The following DACH2 variants were observed in gnomAD, a reference collection of about 807,000 sequenced individuals.
The protein encoded by DACH2 is dachshund homolog 2.
Under a neutral mutation model 35.8 loss-of-function variants are expected in DACH2, and 17 were observed. The ratio of observed to expected loss-of-function variants is 0.48; its 90% CI spans 0.33 to 0.71. The LOEUF (loss-of-function observed/expected upper bound fraction) is 0.71, where lower values mean the gene tolerates loss of function less well. Among genes scored for constraint, DACH2 ranks in the 30% least tolerant of loss-of-function variants. The pLI is 0.02. For synonymous variants in DACH2, 195 were observed against 177.3 expected (o/e 1.10, Z -0.79); for missense variants, 469 against 472.7 (o/e 0.99, Z 0.07).
chrX:86,390,449 G>C lies in DACH2; in HGVS notation c.527+13587G>C, dbSNP rs776790414. 6.3e-5 allele frequency among the ~76,000 whole-genome samples: 7 copies of C among 111,674 alleles called. 1 individual carries two copies. The South Asian group carries it at 2.3e-3, about 36-fold the overall frequency. On this transcript the variant is annotated intron_variant, in intron 2 of 11. Coordinates refer to ENST00000373125, the MANE Select transcript of DACH2 (RefSeq NM_053281.3). ...AGATGATTTTAAAAACAGAATTTTA[G>C]TGTTGAGGACTTTATGAAAGTGGAA...
At chrX:86,196,483 G>C (rs978407728) in intron 1 of DACH2, among the ~76,000 whole-genome samples, 8 of 108,648 alleles carry the variant, frequency 7.4e-5, no homozygotes, top group African/African-American at 2.7e-4. Context: ...ATGAGGTCAG[G>C]AGATTGAATC....
chrX:86,374,086 C>T (rs2035929628), intron 1 of DACH2, among the ~76,000 whole-genome samples: 1 of 110,495 alleles, frequency 9.1e-6, no homozygotes, highest in Admixed American at 9.7e-5. Flanking sequence ...TCATGTGTCT[C>T]GCATGCTGTT....
chrX:86,291,313 G>A (rs1187856785), intron 1 of DACH2, among the ~76,000 whole-genome samples: 1 of 94,776 alleles, frequency 1.1e-5, no homozygotes, highest in Non-Finnish European at 2.1e-5. Context: ...ATCAGCTTAA[G>A]GAGATTTTGG....
chrX:86,273,959 A>G (rs2033860218), intron 1 of DACH2, among the ~76,000 whole-genome samples: 1 of 111,889 alleles, frequency 8.9e-6, no homozygotes, highest in South Asian at 3.7e-4. Context: ...TAGATATCCT[A>G]TTTAGGTATT....
In DACH2 at chrX:86,411,020, T is replaced by TTATATATATATATA. The variant is rs36194671; in HGVS notation, c.527+34164_527+34177dup. On this transcript the variant is annotated intron_variant, in intron 2 of 11. Coordinates refer to ENST00000373125, the MANE Select transcript of DACH2 (RefSeq NM_053281.3). Reference sequence around the variant, plus strand: ...CTCTAGAGGGACAGAACTAATATGATTATATATATATATATATATGTATAT... The same window carrying TTATATATATATATA: ...CTCTAGAGGGACAGAACTAATATGATTATATATATATATATATATATATATATATATATGTATAT... Among the ~76,000 whole-genome samples the TTATATATATATATA allele has an allele frequency of 7.2e-3, 290 of 40,495 alleles. 30 individuals carry two copies. Among genetic ancestry groups the TTATATATATATATA allele is most frequent in the African/African-American group, 0.021 (223 of 10,809 alleles). The allele number at this position is 40,495 out of a possible 115,157, so 35.2% of individuals were successfully genotyped here.
chrX:86,211,104 T>C (rs1173014601), intron 1 of DACH2, among the ~76,000 whole-genome samples: 1 of 111,462 alleles, frequency 9.0e-6, no homozygotes, highest in Non-Finnish European at 1.9e-5. Context: ...TATTGATAGG[T>C]GACCTTGGGG....
At chrX:86,228,233 C>T (rs751209400) in intron 1 of DACH2, among the ~76,000 whole-genome samples, 1 of 110,249 alleles carries the variant, frequency 9.1e-6, no homozygotes, top group Non-Finnish European at 1.9e-5. Context: ...TTTCGATTCC[C>T]GAGTTACTTC....
intron 2 of DACH2, among the ~76,000 whole-genome samples, chrX:86,378,939 GAAAATT>G (rs774596247): frequency 9.0e-6 from 1 of 110,829 alleles, no homozygotes; most frequent in African/African-American, 3.3e-5. Flanking sequence ...CAAGTGATTT[GAAAATT>G]AAAATTAAAT....
chrX:86,297,212 C>A (rs1379027898), intron 1 of DACH2, among the ~76,000 whole-genome samples: 1 of 110,083 alleles, frequency 9.1e-6, no homozygotes, highest in Non-Finnish European at 1.9e-5. Flanking sequence ...CTTCTTAGGA[C>A]ATTCTTTTGG....
chrX:86,571,368 A>G (rs1013313409), intron 3 of DACH2, among the ~76,000 whole-genome samples: 114 of 110,389 alleles, frequency 1.0e-3, no homozygotes, highest in Admixed American at 2.2e-3. Context: ...ACATATGTAT[A>G]CATGTGCCAT....
At chrX:86,675,944 T>G (rs914811160) in intron 4 of DACH2, among the ~76,000 whole-genome samples, 2 of 111,663 alleles carry the variant, frequency 1.8e-5, no homozygotes, top group Non-Finnish European at 3.8e-5. Context: ...GAAAAATAAT[T>G]TCCGATAAAA....
chrX:86,265,761 A>C, intron 1 of DACH2, among the ~76,000 whole-genome samples: 1 of 111,706 alleles, frequency 9.0e-6, no homozygotes, highest in Non-Finnish European at 1.9e-5. Context: ...TGTGGAGGAG[A>C]GATTTCTTCA....
intron 2 of DACH2, among the ~76,000 whole-genome samples, chrX:86,470,311 A>G (rs1287820227): frequency 8.9e-6 from 1 of 111,879 alleles, no homozygotes; most frequent in Non-Finnish European, 1.9e-5. Flanking sequence ...GTCATTTTCA[A>G]TGATTTTCTT....
chrX:86,274,282 G>A (rs1335782539), intron 1 of DACH2, among the ~76,000 whole-genome samples: 1 of 110,171 alleles, frequency 9.1e-6, no homozygotes, highest in African/African-American at 3.3e-5. Context: ...AAGATAGGAA[G>A]CAATTTCAAT....
chrX:86,700,549 A>G (rs2041130158), intron 5 of DACH2, among the ~76,000 whole-genome samples: 1 of 109,852 alleles, frequency 9.1e-6, no homozygotes, highest in African/African-American at 3.3e-5. Context: ...AAAAAAAGGA[A>G]TCCATGATTT....
At chrX:86,151,377 T>G (rs1413569271) in intron 1 of DACH2, among the ~76,000 whole-genome samples, 1 of 111,887 alleles carries the variant, frequency 8.9e-6, no homozygotes, top group East Asian at 2.8e-4. Context: ...CTATTGCATT[T>G]TCTTTTCTTT....
chrX:86,463,082 C>T (rs1309887316), intron 2 of DACH2, among the ~76,000 whole-genome samples: 1 of 111,212 alleles, frequency 9.0e-6, no homozygotes, highest in Non-Finnish European at 1.9e-5. Flanking sequence ...GATTGCAAAG[C>T]ACTACGATAG....
At chrX:86,419,892 T>C (rs1184874014) in intron 2 of DACH2, among the ~76,000 whole-genome samples, 1 of 111,788 alleles carries the variant, frequency 8.9e-6, no homozygotes, top group Non-Finnish European at 1.9e-5. Context: ...GCATCGGAGA[T>C]ATCTTGGTTC....
chrX:86,660,012 A>G (rs2040588383), intron 4 of DACH2, among the ~76,000 whole-genome samples: 2 of 111,087 alleles, frequency 1.8e-5, no homozygotes, highest in Non-Finnish European at 3.8e-5. Flanking sequence ...CATGGGATCA[A>G]AATGTGCCTC....
Sources: allele counts gnomAD v4.1 joint callset (sites outside exome capture counted in the v4.1 genomes callset), GRCh38; gene constraint gnomAD v4.1.1; transcripts MANE v1.5; gene names NCBI Gene and HGNC (gene_info 2026-07-23, HGNC 2026-07-21).